Variants in ABCD3 observed in about 807,000 individuals in gnomAD.
ABCD3 encodes ATP binding cassette subfamily D member 3.
Under a neutral mutation model 105.5 loss-of-function variants are expected in ABCD3, and 41 were observed. That is an observed-to-expected ratio of 0.39 (90% CI 0.30 to 0.50). The LOEUF (loss-of-function observed/expected upper bound fraction) is 0.50. Ranked by LOEUF, ABCD3 falls within the 20% of genes least tolerant of loss-of-function variation. The pLI, the probability that ABCD3 is intolerant of heterozygous loss-of-function variation, is 0.84. For synonymous variants in ABCD3, 258 were observed against 269.0 expected (o/e 0.96, Z 0.40); for missense variants, 622 against 806.3 (o/e 0.77, Z 2.77).
chr1:94,422,898 G>A (rs1281055863), intron 1 of ABCD3, among the ~76,000 whole-genome samples: 1 of 152,162 alleles, frequency 6.6e-6, no homozygotes. Context: ...AAACAGAACA[G>A]AACAAAGCAG....
intron 1 of ABCD3, among the ~76,000 whole-genome samples, chr1:94,454,229 G>A (rs1383335104): frequency 3.3e-5 from 5 of 152,124 alleles, no homozygotes; most frequent in Admixed American, 6.5e-5. Context: ...TGAAATCATA[G>A]CAGTAGAAAT....
chr1:94,444,876 C>T (rs1660288506), intron 1 of ABCD3, among the ~76,000 whole-genome samples: 2 of 152,176 alleles, frequency 1.3e-5, no homozygotes, highest in Admixed American at 6.5e-5. Flanking sequence ...GAGATGTTTG[C>T]AATGGCCACG....
chr1:94,404,633 C>A, the ABCD3 span, among the ~76,000 whole-genome samples: 1 of 151,876 alleles, frequency 6.6e-6, no homozygotes, highest in Admixed American at 6.6e-5. Context: ...TCTTTTACAT[C>A]CCTTCCATTC....
chr1:94,412,601 T>G, the ABCD3 span, among the ~76,000 whole-genome samples: 1 of 152,226 alleles, frequency 6.6e-6, no homozygotes, highest in African/African-American at 2.4e-5. Context: ...GATATTTTAC[T>G]TATGTGAGAA....
intron 1 of ABCD3, among the ~76,000 whole-genome samples, chr1:94,455,294 A>G (rs1037837721): frequency 6.6e-6 from 1 of 152,080 alleles, no homozygotes; most frequent in African/African-American, 2.4e-5. Context: ...AACAAATCTC[A>G]TAAAGAAGTT....
intron 1 of ABCD3, among the ~76,000 whole-genome samples, chr1:94,455,055 A>T (rs1294616269): frequency 6.6e-6 from 1 of 152,230 alleles, no homozygotes. Flanking sequence ...ACCATGCTAT[A>T]CAGATTTTAG....
intron 1 of ABCD3, among the ~76,000 whole-genome samples, chr1:94,456,212 G>A (rs1647550698): frequency 7.7e-6 from 1 of 129,908 alleles, no homozygotes; most frequent in Non-Finnish European, 1.6e-5. Context: ...ATTTCATTTA[G>A]TATAATGTCC....
chr1:94,514,571 A>G (rs1570847040), intron 21 of ABCD3: 1 of 152,038 alleles, frequency 6.6e-6, no homozygotes, highest in Non-Finnish European at 1.5e-5. Context: ...AACTTCGCCT[A>G]AGCTAACAAA....
At chr1:94,513,817 T>C (rs1212297791) in intron 21 of ABCD3, 1 of 152,022 alleles carries the variant, frequency 6.6e-6, no homozygotes, top group Non-Finnish European at 1.5e-5. Context: ...AATAATATCT[T>C]AAATGAGCTC....
At chr1:94,509,524 C>T (rs1244742166) in intron 21 of ABCD3, among the ~76,000 whole-genome samples, 2 of 152,124 alleles carry the variant, frequency 1.3e-5, no homozygotes, top group African/African-American at 4.8e-5. Flanking sequence ...GGGAGGATCC[C>T]CTCTTTTTCT....
the ABCD3 span, among the ~76,000 whole-genome samples, chr1:94,386,814 C>T: frequency 6.6e-6 from 1 of 152,102 alleles, no homozygotes; most frequent in Non-Finnish European, 1.5e-5. Flanking sequence ...GAGATTGAGC[C>T]ACTGCACTCC....
intron 8 of ABCD3, among the ~76,000 whole-genome samples, chr1:94,479,667 A>G (rs551692440): frequency 1.2e-4 from 18 of 152,176 alleles, no homozygotes; most frequent in Admixed American, 7.9e-4. Flanking sequence ...GGAGGTAAGT[A>G]AACATCCATT....
chr1:94,408,213 T>C, the ABCD3 span, among the ~76,000 whole-genome samples: 1 of 152,128 alleles, frequency 6.6e-6, no homozygotes, highest in Non-Finnish European at 1.5e-5. Flanking sequence ...AGAGAAAACA[T>C]AACAGAAAGC....
intron 22 of ABCD3, among the ~76,000 whole-genome samples, chr1:94,515,417 A>G (rs1650872213): frequency 6.6e-6 from 1 of 151,984 alleles, no homozygotes. Context: ...CAGTTTTATA[A>G]GTGACTCTTA....
In ABCD3 at chr1:94,468,884, G is replaced by T. The variant is rs538114767; in HGVS notation, c.335+877G>T. 1.6e-3 allele frequency among the ~76,000 whole-genome samples: 19 copies of T among 12,012 alleles called. No individual in the cohort carries two copies. The South Asian group carries it at 0.31, about 195-fold the overall frequency. 7.9% of individuals were successfully genotyped at this position (12,012 alleles called of 152,430 possible). ...TTTCTCTAGGACAGTAAAAAATCTTGTATGTATAAGGATTAAAGCCTTGAA... is the reference window on the plus strand; with the variant it reads ...TTTCTCTAGGACAGTAAAAAATCTTTTATGTATAAGGATTAAAGCCTTGAA... On this transcript the variant is annotated intron_variant, in intron 4 of 22. Transcript: ENST00000370214.
chr1:94,443,001 G>C (rs560035101), intron 1 of ABCD3, among the ~76,000 whole-genome samples: 2 of 152,070 alleles, frequency 1.3e-5, no homozygotes, highest in Non-Finnish European at 2.9e-5. Flanking sequence ...ATTGCTGGAT[G>C]GAATGGTAGT....
rs1460617013 is a variant in ABCD3, at chr1:94,418,601, G to A, written c.110+13G>A. The A allele has an allele frequency of 6.3e-7, 1 of 1,583,910 alleles. No homozygotes were observed. Among genetic ancestry groups the A allele is most frequent in the Admixed American group, 1.7e-5 (1 of 57,996 alleles). Reference sequence around the variant, plus strand: ...TCGGCCTGCACGGGTAAGAAGGCCCGTAGCCGTGCAGCTTTCCCGGGCTGG... The same window carrying A: ...TCGGCCTGCACGGGTAAGAAGGCCCATAGCCGTGCAGCTTTCCCGGGCTGG... On this transcript the variant is annotated intron_variant, in intron 1 of 22. Coordinates refer to ENST00000370214, the MANE Select transcript of ABCD3 (RefSeq NM_002858.4).
intron 8 of ABCD3, chr1:94,480,254 T>C (rs2101005755): frequency 1.7e-6 from 1 of 597,128 alleles, no homozygotes; most frequent in Non-Finnish European, 2.9e-6. Flanking sequence ...AGGGATAAGC[T>C]ACAGTGGTAA....
chr1:94,391,943 A>T, the ABCD3 span, among the ~76,000 whole-genome samples: 2 of 152,122 alleles, frequency 1.3e-5, no homozygotes, highest in East Asian at 3.9e-4. Context: ...TCAATTTTTC[A>T]TCTGCCACAC....
Sources: allele counts gnomAD v4.1 joint callset (sites outside exome capture counted in the v4.1 genomes callset), GRCh38; gene constraint gnomAD v4.1.1; transcripts MANE v1.5; gene names NCBI Gene and HGNC (gene_info 2026-07-23, HGNC 2026-07-21).